Variants in ATP2B4 observed in about 807,000 individuals in gnomAD.
ATP2B4 encodes the protein plasma membrane calcium-transporting ATPase 4.
ATP2B4 carries 39 observed loss-of-function variants against 110.3 expected under a neutral mutation model. The ratio of observed to expected loss-of-function variants is 0.35; its 90% CI spans 0.27 to 0.46. The LOEUF (loss-of-function observed/expected upper bound fraction) is 0.46. Among genes scored for constraint, ATP2B4 ranks in the 20% least tolerant of loss-of-function variants. The pLI, the probability that ATP2B4 is intolerant of heterozygous loss-of-function variation, is 1.00. For synonymous variants in ATP2B4, 538 were observed against 571.7 expected (o/e 0.94, Z 0.84); for missense variants, 1,135 against 1,530.9 (o/e 0.74, Z 4.32).
At chr1:203,668,428 C>T (rs972405808) in intron 1 of ATP2B4, among the ~76,000 whole-genome samples, 1 of 152,112 alleles carries the variant, frequency 6.6e-6, no homozygotes, top group Non-Finnish European at 1.5e-5. Flanking sequence ...TTTTAGATGG[C>T]TATAGTTACT....
chr1:203,689,724 G>C (rs12126985), intron 2 of ATP2B4, among the ~76,000 whole-genome samples: 61,587 of 152,158 alleles, frequency 0.4, 14,407 homozygotes, highest in Non-Finnish European at 0.54. Context: ...CAGGTGCAGT[G>C]CCTCCTTCCA....
At chr1:203,729,586 C>G (rs1261202976) in intron 20 of ATP2B4, 1 of 511,464 alleles carries the variant, frequency 2.0e-6, no homozygotes, top group East Asian at 5.8e-5. Context: ...GGATTGCAGA[C>G]TCACTATGCA....
chr1:203,710,774 T>C (rs951338790), intron 11 of ATP2B4, 103 bp from the exon 12 acceptor site: 6 of 894,728 alleles, frequency 6.7e-6, no homozygotes, highest in African/African-American at 3.3e-5. Context: ...CTTGGAGCAA[T>C]GTCTTTAGGA....
At chr1:203,712,743 G>A (rs1397467088) in intron 13 of ATP2B4, among the ~76,000 whole-genome samples, 1 of 151,866 alleles carries the variant, frequency 6.6e-6, no homozygotes, top group Non-Finnish European at 1.5e-5. Flanking sequence ...CACCCCTCCT[G>A]TGTCCCTGCC....
intron 1 of ATP2B4, chr1:203,657,785 A>G: frequency 1.6e-6 from 1 of 621,718 alleles, no homozygotes; most frequent in East Asian, 2.9e-5. Flanking sequence ...AACCACCAGG[A>G]GTAGCCCCTG....
chr1:203,730,727 T>C (rs1227680226), intron 20 of ATP2B4, among the ~76,000 whole-genome samples: 3 of 152,222 alleles, frequency 2.0e-5, no homozygotes, highest in South Asian at 4.1e-4. Context: ...TTTCACTGCC[T>C]ACATAGCTTT....
At chr1:203,642,392 T>G (rs114296240) in intron 1 of ATP2B4, among the ~76,000 whole-genome samples, 3,717 of 152,330 alleles carry the variant, frequency 0.024, 65 homozygotes, top group Non-Finnish European at 0.037. Context: ...CCTCACAGTC[T>G]GCTTTGATGG....
At chr1:203,721,030 G>T (rs1458087398) in intron 16 of ATP2B4, among the ~76,000 whole-genome samples, 167 bp from the exon 17 acceptor site, 1 of 152,154 alleles carries the variant, frequency 6.6e-6, no homozygotes, top group Non-Finnish European at 1.5e-5. Context: ...CATTTTATGG[G>T]TGAGGAACTT....
intron 1 of ATP2B4, among the ~76,000 whole-genome samples, chr1:203,636,919 A>G (rs1663456079): frequency 6.6e-6 from 1 of 152,176 alleles, no homozygotes; most frequent in South Asian, 2.1e-4. Flanking sequence ...ATGGCTTTGA[A>G]CTGCCACCAT....
intron 1 of ATP2B4, among the ~76,000 whole-genome samples, chr1:203,676,425 A>G (rs898550901): frequency 3.9e-5 from 6 of 152,170 alleles, no homozygotes; most frequent in African/African-American, 1.4e-4. Flanking sequence ...GGAGGCGGGC[A>G]GAACAGCCTC....
intron 1 of ATP2B4, among the ~76,000 whole-genome samples, chr1:203,658,541 GA>G (rs1416010378): frequency 1.3e-5 from 2 of 148,694 alleles, no homozygotes; most frequent in Admixed American, 6.7e-5. Context: ...AAAAAAAAAA[GA>G]AAAAAAGAAA....
chr1:203,662,882 T>C (rs1664390486), intron 1 of ATP2B4, among the ~76,000 whole-genome samples: 1 of 152,166 alleles, frequency 6.6e-6, no homozygotes, highest in Non-Finnish European at 1.5e-5. Context: ...TCCTGAGGTT[T>C]TACTCTTCCA....
intron 1 of ATP2B4, among the ~76,000 whole-genome samples, chr1:203,645,371 C>T (rs1261859572): frequency 1.3e-5 from 2 of 152,176 alleles, no homozygotes; most frequent in Non-Finnish European, 2.9e-5. Flanking sequence ...AACTCACAGA[C>T]TCTCCCTACT....
Position 203,634,066 on chromosome 1 carries a change from A to T in ATP2B4, c.-465+6847A>T, listed in dbSNP as rs547372807. On this transcript the variant is annotated intron_variant, in intron 1 of 20. Transcript: ENST00000357681. ...ACTCCGTCTCAAAAAAAATTTTTTT[A>T]AATTTAATTTTAATAGAAAAATACT... 1.5e-3 allele frequency among the ~76,000 whole-genome samples: 230 copies of T among 152,296 alleles called. 1 individual carries two copies. Among genetic ancestry groups the T allele is most frequent in the African/African-American group, 4.5e-3 (186 of 41,568 alleles).
intron 19 of ATP2B4, among the ~76,000 whole-genome samples, chr1:203,726,567 C>A (rs1226953648): frequency 6.6e-6 from 1 of 152,148 alleles, no homozygotes; most frequent in Non-Finnish European, 1.5e-5. Context: ...CAGCAGCCTT[C>A]CTTCTGTATC....
chr1:203,632,115 G>A (rs932612995), intron 1 of ATP2B4, among the ~76,000 whole-genome samples: 4 of 151,506 alleles, frequency 2.6e-5, no homozygotes, highest in Non-Finnish European at 5.9e-5. Context: ...TTTACAATAG[G>A]AAATCATTGG....
intron 1 of ATP2B4, among the ~76,000 whole-genome samples, chr1:203,656,204 A>G (rs1382255013): frequency 1.3e-5 from 2 of 152,194 alleles, no homozygotes. Context: ...CTAACTGCAA[A>G]TAAGTTTCTC....
Position 203,702,074 on chromosome 1 carries a change from A to G in ATP2B4, c.932A>G (p.Asn311Ser), listed in dbSNP as rs761713134. ...AAACAAGGAGTCCCTGAAAATCGCA[A>G]CAAAGGTAACCTCTCCAACTACTCA... ...GKKQGVPENRNKAKTQDGVAL... is the reference protein window; with the variant it reads ...GKKQGVPENRSKAKTQDGVAL... Residue 311 changes from asparagine (N) to serine (S), a missense_variant, in exon 7 of 21, where the codon AAC becomes AGC. Transcript: ENST00000357681. 1.2e-6 allele frequency: 2 copies of G among 1,614,096 alleles called. No homozygotes were observed. The highest frequency in any genetic ancestry group is 2.2e-5 in the South Asian group (2 of 91,060).
intron 5 of ATP2B4, 57 bp downstream of exon 5, chr1:203,700,388 A>G (rs1158949962): frequency 6.4e-7 from 1 of 1,572,352 alleles, no homozygotes; most frequent in Non-Finnish European, 8.6e-7. Context: ...CCTAGGCCAC[A>G]GGATCCAGAC....
Sources: gnomAD v4.1 joint callset for allele counts (sites outside exome capture counted in the v4.1 genomes callset) on GRCh38, gnomAD v4.1.1 for gene constraint, MANE v1.5 for transcripts, NCBI Gene and HGNC (gene_info 2026-07-23, HGNC 2026-07-21) for gene names.